CNTNAP4: variants seen among roughly 807,000 people sequenced by gnomAD.
CNTNAP4 encodes the protein contactin associated protein family member 4.
In CNTNAP4, 98 loss-of-function variants were observed where a neutral mutation model predicts 148.4. The observed-to-expected ratio is 0.66, with a 90% CI of 0.56 to 0.78. The LOEUF is 0.78. Among genes scored for constraint, CNTNAP4 ranks in the 30% least tolerant of loss-of-function variants. The pLI is 0.00. For synonymous variants in CNTNAP4, 730 were observed against 565.1 expected, an observed-to-expected ratio of 1.29 and a Z score of -4.14; for missense variants, 1,935 against 1,565.6, an observed-to-expected ratio of 1.24 and a Z score of -3.98.
At chr16:76,308,112 A>G (rs1462327475) in intron 1 of CNTNAP4, among the ~76,000 whole-genome samples, 1 of 126,812 alleles carries the variant, frequency 7.9e-6, no homozygotes, top group Non-Finnish European at 1.7e-5. Context: ...CTTGTTTTAA[A>G]TTGCAGGAAC....
chr16:76,535,201 A>G (rs2144241469), intron 17 of CNTNAP4, among the ~76,000 whole-genome samples: 1 of 152,310 alleles, frequency 6.6e-6, no homozygotes, highest in South Asian at 2.1e-4. Context: ...ACCCAGCAAT[A>G]TATACTTATT....
intron 11 of CNTNAP4, among the ~76,000 whole-genome samples, chr16:76,476,971 C>T (rs1222343993): frequency 1.3e-5 from 2 of 151,750 alleles, no homozygotes; most frequent in Non-Finnish European, 2.9e-5. Context: ...TAATTTTATT[C>T]AATACTTTCT....
At chr16:76,476,128 G>A in intron 11 of CNTNAP4, 83 bp downstream of exon 11, 2 of 903,672 alleles carry the variant, frequency 2.2e-6, no homozygotes, top group Non-Finnish European at 1.8e-6. Context: ...GTGTATATAT[G>A]TCTGTTCTGT....
chr16:76,323,019 G>T (rs1962590578), intron 2 of CNTNAP4, among the ~76,000 whole-genome samples: 1 of 151,674 alleles, frequency 6.6e-6, no homozygotes, highest in Non-Finnish European at 1.5e-5. Context: ...TGTTGTTGTT[G>T]TATTATTAGT....
At chr16:76,345,956 T>G (rs563662990) in intron 2 of CNTNAP4, among the ~76,000 whole-genome samples, 2 of 152,290 alleles carry the variant, frequency 1.3e-5, no homozygotes, top group East Asian at 1.9e-4. Context: ...AAACAAAAAT[T>G]ATTACAGTTG....
chr16:76,286,030 C>G (rs115440933), intron 1 of CNTNAP4, among the ~76,000 whole-genome samples: 4,518 of 152,122 alleles, frequency 0.03, 226 homozygotes, highest in African/African-American at 0.1. Context: ...AGATTTATAT[C>G]TTTAAGACTT....
intron 2 of CNTNAP4, among the ~76,000 whole-genome samples, chr16:76,354,472 T>C (rs1010366696): frequency 2.6e-5 from 4 of 152,124 alleles, no homozygotes; most frequent in Admixed American, 6.6e-5. Context: ...GGTTCTCTTT[T>C]CCCCCATCCT....
chr16:76,431,847 G>A (rs774952319), intron 4 of CNTNAP4, among the ~76,000 whole-genome samples: 3 of 151,882 alleles, frequency 2.0e-5, no homozygotes, highest in East Asian at 1.9e-4. Flanking sequence ...GGAAGGGGCT[G>A]TCATTTACTA....
At chr16:76,425,588 T>C (rs111964403) in intron 3 of CNTNAP4, among the ~76,000 whole-genome samples, 11 of 152,066 alleles carry the variant, frequency 7.2e-5, no homozygotes, top group Non-Finnish European at 1.3e-4. Flanking sequence ...AAGATATTTA[T>C]GGGGAGTGTC....
chr16:76,400,657 C>A (rs1416951729), intron 3 of CNTNAP4, among the ~76,000 whole-genome samples: 3 of 152,128 alleles, frequency 2.0e-5, no homozygotes, highest in Non-Finnish European at 2.9e-5. Flanking sequence ...TCTTCAAGGG[C>A]TTTTTTAGTT....
At chr16:76,354,416 TCTTTA>T (rs1417657306) in intron 2 of CNTNAP4, among the ~76,000 whole-genome samples, 1 of 152,158 alleles carries the variant, frequency 6.6e-6, no homozygotes, top group Non-Finnish European at 1.5e-5. Flanking sequence ...CAACTTGTAT[TCTTTA>T]CTTCTGAGTG....
rs189660592 is a variant in CNTNAP4, at chr16:76,383,038, T to C, written c.390+27527T>C. Among the ~76,000 whole-genome samples the C allele has an allele frequency of 5.9e-5, 9 of 152,010 alleles. No individual in the cohort carries two copies. In the East Asian group the frequency reaches 1.7e-3, roughly 29 times the overall value. ...ACAAAACGTTTCTTATCCATCTTTATGGGAAGATGCCAGAGAATCAACTCA... is the reference window on the plus strand; with the variant it reads ...ACAAAACGTTTCTTATCCATCTTTACGGGAAGATGCCAGAGAATCAACTCA... On this transcript the variant is annotated intron_variant, in intron 3 of 23. Transcript: ENST00000611870.
chr16:76,437,815 G>A (rs1019368781), intron 4 of CNTNAP4, among the ~76,000 whole-genome samples: 1 of 152,044 alleles, frequency 6.6e-6, no homozygotes, highest in Admixed American at 6.6e-5. Context: ...CTATTTGGCA[G>A]CACTAAATAA....
intron 1 of CNTNAP4, among the ~76,000 whole-genome samples, chr16:76,288,452 G>T (rs368137044): frequency 2.6e-5 from 4 of 151,896 alleles, no homozygotes; most frequent in Non-Finnish European, 5.9e-5. Context: ...TTCCCTTTGC[G>T]TAAATTACCC....
chr16:76,316,319 A>T (rs759946270), intron 1 of CNTNAP4, 94 bp from the exon 2 acceptor site: 5 of 777,876 alleles, frequency 6.4e-6, no homozygotes, highest in Non-Finnish European at 9.1e-6. Context: ...CTAGTTTTTG[A>T]TGTTGTTGTT....
At chr16:76,460,115 G>A (rs1378781287) in intron 8 of CNTNAP4, among the ~76,000 whole-genome samples, 1 of 151,314 alleles carries the variant, frequency 6.6e-6, no homozygotes, top group African/African-American at 2.4e-5. Context: ...TTGTTTGTTT[G>A]TTTTGTTCTG....
chr16:76,524,251 T>G (rs2083614574), intron 17 of CNTNAP4, among the ~76,000 whole-genome samples: 1 of 152,114 alleles, frequency 6.6e-6, no homozygotes, highest in Non-Finnish European at 1.5e-5. Context: ...CTTAAGGGTA[T>G]GAAAATAATA....
Position 76,461,939 on chromosome 16 carries a change from T to G in CNTNAP4, c.1334-17T>G, listed in dbSNP as rs916221497. 3.1e-6 allele frequency: 5 copies of G among 1,612,268 alleles called. No individual in the cohort carries two copies. Among genetic ancestry groups the G allele is most frequent in the Non-Finnish European group, 4.2e-6 (5 of 1,178,666 alleles). On this transcript the variant is annotated splice_polypyrimidine_tract_variant and intron_variant, in intron 8 of 23. Coordinates refer to ENST00000611870, the MANE Select transcript of CNTNAP4 (RefSeq NM_033401.5). ...TTCACTATTGAGAGCGATCTCTAAC[T>G]GATTTCATCTCCCTAGGTGTCGAAT... is the stretch of plus-strand genomic sequence containing the variant.
intron 17 of CNTNAP4, among the ~76,000 whole-genome samples, chr16:76,524,195 A>C (rs554127943): frequency 6.6e-6 from 1 of 152,308 alleles, no homozygotes; most frequent in Non-Finnish European, 1.5e-5. Flanking sequence ...GTAAGGCACT[A>C]TAATAGACAA....
Sources: allele counts gnomAD v4.1 joint callset (sites outside exome capture counted in the v4.1 genomes callset), GRCh38; gene constraint gnomAD v4.1.1; transcripts MANE v1.5; gene names NCBI Gene and HGNC (gene_info 2026-07-23, HGNC 2026-07-21).